ARID1B: variants seen among roughly 807,000 people sequenced by gnomAD.
ARID1B encodes AT-rich interaction domain 1B.
In ARID1B, 30 loss-of-function variants were observed where a neutral mutation model predicts 212.3. The ratio of observed to expected loss-of-function variants is 0.14; its 90% CI spans 0.11 to 0.19. The LOEUF (loss-of-function observed/expected upper bound fraction) is 0.19. Ranked by LOEUF, ARID1B falls within the 10% of genes least tolerant of loss-of-function variation. ARID1B has a pLI of 1.00. For synonymous variants in ARID1B, 1,402 were observed against 1,301.7 expected (o/e 1.08, Z -1.66); for missense variants, 2,891 against 3,204.0 (o/e 0.90, Z 2.36).
At chr6:157,052,230 A>G (rs1392287781) in intron 4 of ARID1B, among the ~76,000 whole-genome samples, 3 of 152,216 alleles carry the variant, frequency 2.0e-5, no homozygotes, top group East Asian at 3.8e-4. Flanking sequence ...ATCCTCGTAT[A>G]TTGTTGAATT....
At chr6:157,034,026 A>G (rs1267490638) in intron 4 of ARID1B, among the ~76,000 whole-genome samples, 1 of 152,098 alleles carries the variant, frequency 6.6e-6, no homozygotes. Flanking sequence ...AACGTTGGCT[A>G]TTATGTCCTA....
chr6:156,987,159 CAGAGAGAGAGAGAGAGAGAGAG>C (rs56189333), intron 4 of ARID1B, among the ~76,000 whole-genome samples: 1 of 141,500 alleles, frequency 7.1e-6, no homozygotes, highest in Middle Eastern at 3.3e-3. Flanking sequence ...GCCTCGGTGA[CAGAGAGAGAGAGAGAGAGAGAG>C]AGAGAGAGAG....
In ARID1B at chr6:157,196,243, C is replaced by T. The variant is rs2128356799; in HGVS notation, c.4310C>T (p.Pro1437Leu). 1 of 1,613,320 alleles carries T rather than the reference C, an allele frequency of 6.2e-7. No homozygotes were observed. Among genetic ancestry groups the T allele is most frequent in the East Asian group, 2.2e-5 (1 of 44,846 alleles). Residue 1437 changes from proline (P) to leucine (L), a missense_variant, in exon 16 of 20, where the codon CCC (proline) becomes CTC (leucine). Physicochemically the swap from Pro to Leu is moderately conservative, Grantham distance 98 (BLOSUM62 -3). This residue lies in a region of ARID1B where 666 missense variants were observed against 873.5 expected (regional missense o/e 0.76). Coordinates refer to ENST00000636930, the MANE Select transcript of ARID1B (RefSeq NM_001374828.1). Reference protein sequence around the residue: ...SSMQDMYNQSPSGAMSNLGMG... With the variant: ...SSMQDMYNQSLSGAMSNLGMG... Reference sequence around the variant, plus strand: ...ATGCAGGACATGTACAACCAAAGTCCCTCCGGAGCAATGTCTAACCTGGGC... The same window carrying T: ...ATGCAGGACATGTACAACCAAAGTCTCTCCGGAGCAATGTCTAACCTGGGC...
chr6:156,909,041 C>T (rs1789640933), intron 3 of ARID1B, among the ~76,000 whole-genome samples: 1 of 151,694 alleles, frequency 6.6e-6, no homozygotes, highest in Non-Finnish European at 1.5e-5. Flanking sequence ...TATTTTAAGT[C>T]ACAGATACAT....
intron 7 of ARID1B, among the ~76,000 whole-genome samples, chr6:157,146,080 ATC>A (rs1789702024): frequency 6.6e-6 from 1 of 151,854 alleles, no homozygotes; most frequent in South Asian, 2.1e-4. Context: ...TCTCCCCTCT[ATC>A]CCCCCGTCAG....
At position 157,039,762 on chromosome 6, in the gene ARID1B, TTCCTACCTA is replaced by T. The variant is rs1262222895; in HGVS notation, c.2248-44899_2248-44891del. The stretch of plus-strand genomic sequence containing the variant: ...CTCCCTCCCTTCCTTCCTTCCTACC[TTCCTACCTA>T]CCTACCTTCCTTCCTTCCTTCCTTC... On this transcript the variant is annotated intron_variant, in intron 4 of 19. Coordinates refer to ENST00000636930, the MANE Select transcript of ARID1B (RefSeq NM_001374828.1). Among the ~76,000 whole-genome samples, 50 of 126,588 alleles carry T rather than the reference TTCCTACCTA, an allele frequency of 3.9e-4. 2 individuals are homozygous for T. The South Asian group carries it at 0.012, about 31-fold the overall frequency. 83.0% of individuals were successfully genotyped at this position (126,588 alleles called of 152,430 possible).
chr6:156,809,489 T>C (rs542714481), intron 1 of ARID1B, among the ~76,000 whole-genome samples: 3 of 152,310 alleles, frequency 2.0e-5, no homozygotes, highest in Admixed American at 6.5e-5. Flanking sequence ...CCATATGATA[T>C]CTGATTTAGT....
At chr6:157,155,244 C>T (rs1790501441) in intron 8 of ARID1B, among the ~76,000 whole-genome samples, 2 of 152,186 alleles carry the variant, frequency 1.3e-5, no homozygotes, top group Admixed American at 6.5e-5. Context: ...GAGGCTTTTA[C>T]CAACACTGCT....
intron 2 of ARID1B, among the ~76,000 whole-genome samples, chr6:156,842,581 G>C (rs1783973124): frequency 6.6e-6 from 1 of 152,166 alleles, no homozygotes; most frequent in African/African-American, 2.4e-5. Context: ...TTTGTGTACA[G>C]GTATTTGTTT....
chr6:157,073,644 TG>T (rs934015120), intron 4 of ARID1B, among the ~76,000 whole-genome samples: 23 of 152,182 alleles, frequency 1.5e-4, no homozygotes, highest in African/African-American at 5.3e-4. Context: ...TTTCTCTATT[TG>T]GGGGGTGGTG....
rs1793292699 is a variant in ARID1B, at chr6:157,190,637, T to C, written c.4231+427T>C. Among the ~76,000 whole-genome samples, 1 of 152,222 alleles carries C rather than the reference T, an allele frequency of 6.6e-6. No homozygotes were observed. Among genetic ancestry groups the C allele is most frequent in the Non-Finnish European group, 1.5e-5 (1 of 68,042 alleles). On this transcript the variant is annotated intron_variant, in intron 15 of 19. Coordinates refer to ENST00000636930, the MANE Select transcript of ARID1B (RefSeq NM_001374828.1). This position sits in a 1 kb window ranked among gnomAD's most constrained non-coding sequence, Gnocchi z 4.6. ...CACGGCACTTGGCATGGTGGTGTGC[T>C]AGTGTGCGCTGGGCGCTAGCTCGTG...
In ARID1B at chr6:157,021,150, G is replaced by A. The variant is rs557668499; in HGVS notation, c.2248-63512G>A. 3.9e-5 allele frequency among the ~76,000 whole-genome samples: 6 copies of A among 152,254 alleles called. No individual in the cohort carries two copies. The East Asian group carries it at 9.7e-4, about 25-fold the overall frequency. On this transcript the variant is annotated intron_variant, in intron 4 of 19. Coordinates refer to ENST00000636930, the MANE Select transcript of ARID1B (RefSeq NM_001374828.1). ...ATTTTAGAGAGAGGGTGTGAAGGAC[G>A]CAGGACCGCTTTCAGGCCGCCAGCT...
At chr6:156,915,126 G>A (rs1226191931) in intron 3 of ARID1B, among the ~76,000 whole-genome samples, 1 of 152,176 alleles carries the variant, frequency 6.6e-6, no homozygotes, top group African/African-American at 2.4e-5. Context: ...AATGTTTACT[G>A]CTGGGTATTT....
At chr6:156,963,161 ACT>A (rs1794515488) in intron 4 of ARID1B, among the ~76,000 whole-genome samples, 1 of 152,006 alleles carries the variant, frequency 6.6e-6, no homozygotes, top group South Asian at 2.1e-4. Flanking sequence ...CTTAAAAGTC[ACT>A]CTGTTTTGCC....
At position 157,175,814 on chromosome 6, in the gene ARID1B, G is replaced by A. The variant is rs890427681; in HGVS notation, c.3504+809G>A. ...GTACCATTAGAGAGAAAAAAAAAAT[G>A]GTGCTGAAGCAACCTTTATTTTACA... On this transcript the variant is annotated intron_variant, in intron 11 of 19. Coordinates refer to ENST00000636930, the MANE Select transcript of ARID1B (RefSeq NM_001374828.1). The A allele has an allele frequency of 5.9e-5, 9 of 151,446 alleles. No individual in the cohort carries two copies. The East Asian group carries it at 7.7e-4, about 13-fold the overall frequency. 9.4% of individuals were successfully genotyped at this position (151,446 alleles called of 1,614,324 possible).
chr6:157,004,326 G>A (rs1186823604), intron 4 of ARID1B, among the ~76,000 whole-genome samples: 1 of 151,632 alleles, frequency 6.6e-6, no homozygotes, highest in Non-Finnish European at 1.5e-5. Flanking sequence ...CTCTAATACT[G>A]CCTTGTAAAT....
chr6:156,954,052 A>G (rs1458597717), intron 4 of ARID1B, among the ~76,000 whole-genome samples: 1 of 152,102 alleles, frequency 6.6e-6, no homozygotes, highest in Non-Finnish European at 1.5e-5. Flanking sequence ...TTTGCTTGTA[A>G]CATTTTATAG....
At chr6:157,038,024 T>G (rs897261063) in intron 4 of ARID1B, among the ~76,000 whole-genome samples, 1 of 152,258 alleles carries the variant, frequency 6.6e-6, no homozygotes. Flanking sequence ...TTGCCTTTTG[T>G]ACATATTTCC....
chr6:156,988,073 T>A (rs1562530701), intron 4 of ARID1B, among the ~76,000 whole-genome samples: 1 of 152,134 alleles, frequency 6.6e-6, no homozygotes, highest in Non-Finnish European at 1.5e-5. Flanking sequence ...CAAAACACTC[T>A]AAAAAAATCT....
Sources: gnomAD v4.1 joint callset for allele counts (sites outside exome capture counted in the v4.1 genomes callset) on GRCh38, gnomAD v4.1.1 for gene constraint, gnomAD v4.1.1 regional missense constraint, Gnocchi (gnomAD v3.1) non-coding constraint, MANE v1.5 for transcripts, NCBI Gene and HGNC (gene_info 2026-07-23, HGNC 2026-07-21) for gene names.